The following CORO1C variants were observed in gnomAD, a reference collection of about 807,000 sequenced individuals.
CORO1C encodes the protein coronin 1C.
CORO1C carries 14 observed loss-of-function variants against 51.2 expected under a neutral mutation model. The observed-to-expected ratio is 0.27, with a 90% CI of 0.18 to 0.43. The LOEUF is 0.43. Ranked by LOEUF, CORO1C falls within the 20% of genes least tolerant of loss-of-function variation. CORO1C has a pLI of 1.00. For missense variants in CORO1C, 417 were observed against 607.8 expected, an observed-to-expected ratio of 0.69 and a Z score of 3.30; for synonymous variants, 181 against 210.5, an observed-to-expected ratio of 0.86 and a Z score of 1.21.
chr12:108,691,442 C>T (rs957751137), intron 2 of CORO1C, among the ~76,000 whole-genome samples: 3 of 152,164 alleles, frequency 2.0e-5, no homozygotes, highest in African/African-American at 4.8e-5. Context: ...CTTTCTTTAC[C>T]GGAGATACAG....
In CORO1C at chr12:108,645,755, T is replaced by G. The variant is rs955848935; in HGVS notation, c.*1648A>C. 2 of 152,282 alleles carry G rather than the reference T, an allele frequency of 1.3e-5. No individual in the cohort carries two copies. Among genetic ancestry groups the G allele is most frequent in the Non-Finnish European group, 2.9e-5 (2 of 68,080 alleles). The allele number at this position is 152,282 out of a possible 1,614,324, so 9.4% of individuals were successfully genotyped here. ...CCCTGGCTCCCTGCATACAGACGTT[T>G]CCAGCCAGTCCCATGCCCACACCAG... On this transcript the variant is annotated 3_prime_UTR_variant, in exon 11 of 11. Transcript: ENST00000261401.
intron 4 of CORO1C, 36 bp downstream of exon 4, chr12:108,661,993 G>T: frequency 6.2e-7 from 1 of 1,613,292 alleles, no homozygotes; most frequent in Non-Finnish European, 8.5e-7. Context: ...CACAAGAGTG[G>T]AAGACAAGGG....
intron 7 of CORO1C, among the ~76,000 whole-genome samples, chr12:108,653,521 T>C (rs1470519127): frequency 6.6e-6 from 1 of 152,240 alleles, no homozygotes; most frequent in Non-Finnish European, 1.5e-5. Flanking sequence ...ACAGCTCCAC[T>C]GTTATTAATT....
chr12:108,696,144 G>A (rs924785978), intron 2 of CORO1C, among the ~76,000 whole-genome samples: 7 of 152,182 alleles, frequency 4.6e-5, no homozygotes, highest in Admixed American at 1.3e-4. Flanking sequence ...ATCCTGGCCA[G>A]AGCAGCATTC....
chr12:108,647,386 G>A lies in CORO1C; in HGVS notation c.*17C>T, dbSNP rs576276914. 6.2e-7 allele frequency: 1 copy of A among 1,609,222 alleles called. No homozygotes were observed. Among genetic ancestry groups the A allele is most frequent in the Non-Finnish European group, 8.5e-7 (1 of 1,177,806 alleles). On this transcript the variant is annotated 3_prime_UTR_variant, in exon 11 of 11. Transcript: ENST00000261401. ...GTTCTTGCTCCCATTTTTTCTGTAGGGGTGGGGGTGGGACCTTCAGGCTGC... is the reference window on the plus strand; with the variant it reads ...GTTCTTGCTCCCATTTTTTCTGTAGAGGTGGGGGTGGGACCTTCAGGCTGC...
At chr12:108,678,245 T>G (rs1384632089) in intron 3 of CORO1C, 27 bp downstream of exon 3, 8 of 1,599,840 alleles carry the variant, frequency 5.0e-6, no homozygotes, top group Non-Finnish European at 6.8e-6. Context: ...CACTGGCCTG[T>G]GTGCACACAA....
intron 2 of CORO1C, among the ~76,000 whole-genome samples, chr12:108,687,945 A>G (rs1592904954): frequency 6.9e-6 from 1 of 144,368 alleles, no homozygotes; most frequent in Admixed American, 7.0e-5. Flanking sequence ...TTTGAGACGG[A>G]GTCTCACTCT....
At chr12:108,663,406 T>C (rs1418488293) in intron 3 of CORO1C, among the ~76,000 whole-genome samples, 1 of 152,238 alleles carries the variant, frequency 6.6e-6, no homozygotes, top group African/African-American at 2.4e-5. Context: ...TTATTTGTAA[T>C]AGCCCAAAGG....
rs1006708174 is a variant in CORO1C, at chr12:108,646,842, G to A, written c.*561C>T. On this transcript the variant is annotated 3_prime_UTR_variant, in exon 11 of 11. Coordinates refer to ENST00000261401, the MANE Select transcript of CORO1C (RefSeq NM_014325.4). ...CTGCTTTGATTGTTCTCAGATGAAT[G>A]TTTATACAAAATAATATCTTATCTT... is the stretch of plus-strand genomic sequence containing the variant. 1 of 152,504 alleles carries A rather than the reference G, an allele frequency of 6.6e-6. No homozygotes were observed. The highest frequency in any genetic ancestry group is 1.5e-5 in the Non-Finnish European group (1 of 68,048). The allele number at this position is 152,504 out of a possible 1,614,324, so 9.4% of individuals were successfully genotyped here.
At chr12:108,718,441 C>A (rs1009160958) in intron 1 of CORO1C, among the ~76,000 whole-genome samples, 2 of 151,586 alleles carry the variant, frequency 1.3e-5, no homozygotes, top group African/African-American at 4.9e-5. Flanking sequence ...ACTCAGGAGG[C>A]TGAGGCAGGA....
At chr12:108,699,886 G>A (rs1238969953) in intron 2 of CORO1C, among the ~76,000 whole-genome samples, 7 of 152,032 alleles carry the variant, frequency 4.6e-5, no homozygotes, top group East Asian at 1.9e-4. Context: ...TCCCTTCTTC[G>A]GTTAGGAGAT....
chr12:108,675,282 A>G (rs973629974), intron 3 of CORO1C, among the ~76,000 whole-genome samples: 3 of 152,262 alleles, frequency 2.0e-5, no homozygotes, highest in African/African-American at 4.8e-5. Flanking sequence ...AGGGATGTCC[A>G]AAGTGAGCCT....
Position 108,648,622 on chromosome 12 carries a change from T to C in CORO1C, c.1288A>G (p.Thr430Ala). 6.2e-7 allele frequency: 1 copy of C among 1,614,198 alleles called. No individual in the cohort carries two copies. The highest frequency in any genetic ancestry group is 1.1e-5 in the South Asian group (1 of 91,084). Residue 430 changes from threonine (T) to alanine (A), a missense_variant, in exon 10 of 11, where the codon ACA (threonine) becomes GCA (alanine). Coordinates refer to ENST00000261401, the MANE Select transcript of CORO1C (RefSeq NM_014325.4). ...CDLISIPKKT[T>A]DTASVQNEAK... is the part of the protein sequence containing the mutation. ...GTCCTCACCACACTGGCCGTGTCTG[T>C]GGTTTTCTTGGGGATGCTGATCAGG...
chr12:108,678,260 C>A lies in CORO1C; in HGVS notation c.318+12G>T. The A allele has an allele frequency of 6.2e-7, 1 of 1,606,808 alleles. No homozygotes were observed. Among genetic ancestry groups the A allele is most frequent in the Non-Finnish European group, 8.5e-7 (1 of 1,176,196 alleles). On this transcript the variant is annotated intron_variant, in intron 3 of 10. Transcript: ENST00000261401. ...CACTGGCCTGTGTGCACACAACACC[C>A]TGGGAGCTTACCATGACCGTGCAGT...
intron 1 of CORO1C, among the ~76,000 whole-genome samples, chr12:108,713,099 T>C (rs2136878546): frequency 6.6e-6 from 1 of 152,130 alleles, no homozygotes; most frequent in African/African-American, 2.4e-5. Flanking sequence ...AAAACATGCC[T>C]TACCTATTTT....
chr12:108,682,818 G>A (rs1255010957), intron 2 of CORO1C, among the ~76,000 whole-genome samples: 2 of 152,084 alleles, frequency 1.3e-5, no homozygotes, highest in Non-Finnish European at 2.9e-5. Flanking sequence ...AGCAGGTAGA[G>A]CATCTTCTGA....
chr12:108,708,229 A>G (rs2035081871), intron 1 of CORO1C, among the ~76,000 whole-genome samples: 1 of 152,198 alleles, frequency 6.6e-6, no homozygotes, highest in South Asian at 2.1e-4. Context: ...AGCAACCCAA[A>G]TACAGACTAT....
intron 1 of CORO1C, among the ~76,000 whole-genome samples, chr12:108,723,400 T>C (rs2035519394): frequency 2.6e-5 from 4 of 152,196 alleles, no homozygotes. Context: ...CAAATAATGG[T>C]GATTAAACAT....
chr12:108,648,671 C>T lies in CORO1C; in HGVS notation c.1239G>A (p.Lys413=). The change falls in exon 10 of 11, where the codon AAG becomes AAA. Residue 413 remains lysine, a synonymous_variant. Coordinates refer to ENST00000261401, the MANE Select transcript of CORO1C (RefSeq NM_014325.4). ...GGTCGCACTTCTTGTTTGCAGTGGG[C>T]TTGCTATCCAGAATGTTCTTCTTGA... ...KVVKKNILDS[K]PTANKKCDLI... The T allele has an allele frequency of 1.2e-6, 2 of 1,614,186 alleles. No individual in the cohort carries two copies. Among genetic ancestry groups the T allele is most frequent in the Non-Finnish European group, 1.7e-6 (2 of 1,180,044 alleles).
Sources: allele counts gnomAD v4.1 joint callset (sites outside exome capture counted in the v4.1 genomes callset), GRCh38; gene constraint gnomAD v4.1.1; transcripts MANE v1.5; gene names NCBI Gene and HGNC (gene_info 2026-07-23, HGNC 2026-07-21).